PFKL: variants seen among roughly 807,000 people sequenced by gnomAD.
The protein encoded by PFKL is phosphofructokinase, liver type.
In PFKL, 74 loss-of-function variants were observed where a neutral mutation model predicts 92.1. The observed-to-expected ratio is 0.80, with a 90% CI of 0.67 to 0.97. The LOEUF is 0.97. PFKL is among the 50% of genes least tolerant of loss of function. The probability of loss-of-function intolerance (pLI) is 0.00; values close to 1 mark genes in which losing one functional copy is unlikely to be tolerated. For synonymous variants in PFKL, 494 were observed against 456.4 expected, an observed-to-expected ratio of 1.08 and a Z score of -1.05; for missense variants, 1,028 against 1,116.6, an observed-to-expected ratio of 0.92 and a Z score of 1.13.
chr21:44,325,057 G>A, intron 18 of PFKL, 96 bp from the exon 19 acceptor site: 1 of 1,183,970 alleles, frequency 8.4e-7, no homozygotes, highest in South Asian at 1.3e-5. Flanking sequence ...CCTGGGAGCT[G>A]CCACTCCCTC....
In PFKL at chr21:44,321,854, C is replaced by G; in HGVS notation, c.1317C>G (p.Phe439Leu). 6.4e-7 allele frequency: 1 copy of G among 1,557,358 alleles called. No homozygotes were observed. Reference sequence around the variant, plus strand: ...CAGTATACGTGGTGCACGATGGCTTCGAAGGCCTAGCCAAGGGTCAGGTGG... The same window carrying G: ...CAGTATACGTGGTGCACGATGGCTTGGAAGGCCTAGCCAAGGGTCAGGTGG... ...GHTVYVVHDG[F>L]EGLAKGQVQE... Residue 439 changes from phenylalanine to leucine, a missense_variant, in exon 13 of 22, where the codon TTC becomes TTG. Coordinates refer to ENST00000349048, the MANE Select transcript of PFKL (RefSeq NM_002626.6).
At chr21:44,322,862 C>A (rs1165503572) in intron 14 of PFKL, 100 bp from the exon 15 acceptor site, 33 of 779,210 alleles carry the variant, frequency 4.2e-5, no homozygotes, top group Admixed American at 8.6e-5. Flanking sequence ...TGCTGACTGG[C>A]TCGGGGAACG....
chr21:44,325,392 C>A (rs1050129622), intron 19 of PFKL, 128 bp downstream of exon 19: 1 of 666,050 alleles, frequency 1.5e-6, no homozygotes, highest in Non-Finnish European at 2.7e-6. Flanking sequence ...GGCACGTGTG[C>A]CCTTCCCCAG....
At chr21:44,325,570 T>C (rs1342754289) in intron 19 of PFKL, 3 of 522,348 alleles carry the variant, frequency 5.7e-6, no homozygotes, top group African/African-American at 5.7e-5. Flanking sequence ...GATCCCCGCA[T>C]GCTCCCTGCC....
At position 44,319,350 on chromosome 21, in the gene PFKL, G is replaced by A; in HGVS notation, c.1063-1G>A. 1.2e-6 allele frequency: 2 copies of A among 1,612,788 alleles called. No homozygotes were observed. Among genetic ancestry groups the A allele is most frequent in the South Asian group, 2.2e-5 (2 of 91,058 alleles). ...TCTGTGTTCTGTTTCTCTTCCTTAA[G>A]ACCAAGGAAGTGCAGAAAGCCATGG... On this transcript the variant is annotated splice_acceptor_variant, in intron 10 of 21. Coordinates refer to ENST00000349048, the MANE Select transcript of PFKL (RefSeq NM_002626.6). LOFTEE classifies it high-confidence loss of function.
At position 44,313,064 on chromosome 21, in the gene PFKL, A is replaced by T. The variant is rs1602019477; in HGVS notation, c.514A>T (p.Thr172Ser). Residue 172 changes from threonine (T) to serine (S), a missense_variant, in exon 5 of 22, where the codon ACC (threonine) becomes TCC (serine). By Grantham distance (58) the Thr-to-Ser change is moderately conservative. Transcript: ENST00000349048. ...CTCCATCGATAACGACTTCTGCGGCACCGACATGACCATCGGCACGGACTC... is the reference window on the plus strand; with the variant it reads ...CTCCATCGATAACGACTTCTGCGGCTCCGACATGACCATCGGCACGGACTC... ...VGSIDNDFCG[T>S]DMTIGTDSAL... 1 of 1,613,088 alleles carries T rather than the reference A, an allele frequency of 6.2e-7. No homozygotes were observed. The highest frequency in any genetic ancestry group is 1.1e-5 in the South Asian group (1 of 91,074).
At chr21:44,325,112 G>C in intron 18 of PFKL, 41 bp from the exon 19 acceptor site, 2 of 1,433,614 alleles carry the variant, frequency 1.4e-6, no homozygotes, top group South Asian at 2.3e-5. Flanking sequence ...GGGGAGACCT[G>C]AACTCGTTCC....
In PFKL at chr21:44,300,733, CGGGGCATTGAGCA is replaced by C. The variant is rs1007116814; in HGVS notation, c.85+544_85+556del. Among the ~76,000 whole-genome samples the C allele has an allele frequency of 7.4e-5, 5 of 67,472 alleles. No homozygotes were observed. In the East Asian group the frequency reaches 1.7e-3, roughly 23 times the overall value. 44.3% of individuals were successfully genotyped at this position (67,472 alleles called of 152,430 possible). A position where few individuals can be genotyped will look rare whatever the true frequency, so the allele number is the denominator to read the frequency against. On this transcript the variant is annotated intron_variant, in intron 1 of 21. Transcript: ENST00000349048. ...GAGGGCGGTGGGGAGATGGGCTGCC[CGGGGCATTGAGCA>C]AAGCCCAGTTGTCACCCTTTTCGCA... is the stretch of plus-strand genomic sequence containing the variant.
intron 1 of PFKL, chr21:44,305,237 G>T (rs1176140440): frequency 1.8e-5 from 23 of 1,297,164 alleles, no homozygotes; most frequent in Non-Finnish European, 2.3e-5. Flanking sequence ...ACAGTGTGCC[G>T]ATCCCTGGGG....
chr21:44,306,757 A>G lies in PFKL; in HGVS notation c.159+3A>G. ...CCAAAGTCTTCCTCATCTACGAGGTAAGGCCAAGGTGGGCTGTGTGTGTGC... is the reference window on the plus strand; with the variant it reads ...CCAAAGTCTTCCTCATCTACGAGGTGAGGCCAAGGTGGGCTGTGTGTGTGC... On this transcript the variant is annotated splice_donor_region_variant and intron_variant, in intron 2 of 21. Coordinates refer to ENST00000349048, the MANE Select transcript of PFKL (RefSeq NM_002626.6). 2 of 1,613,420 alleles carry G rather than the reference A, an allele frequency of 1.2e-6. No homozygotes were observed. Among genetic ancestry groups the G allele is most frequent in the Non-Finnish European group, 1.7e-6 (2 of 1,179,624 alleles).
chr21:44,324,517 C>G lies in PFKL; in HGVS notation c.1677C>G (p.Ala559=). 1 of 1,613,416 alleles carries G rather than the reference C, an allele frequency of 6.2e-7. No homozygotes were observed. The highest frequency in any genetic ancestry group is 8.5e-7 in the Non-Finnish European group (1 of 1,179,896). The part of the protein sequence containing the change: ...MESCDRIKQS[A]SGTKRRVFIV... ...GCTGTGACCGCATCAAACAGTCTGC[C>G]TCGGGGACCAAGCGCCGTGTGTTCA... Residue 559 remains alanine, a synonymous_variant, in exon 17 of 22, where the codon GCC becomes GCG. Coordinates refer to ENST00000349048, the MANE Select transcript of PFKL (RefSeq NM_002626.6).
At chr21:44,305,683 C>T in intron 1 of PFKL, 10 of 1,080,544 alleles carry the variant, frequency 9.3e-6, no homozygotes, top group Non-Finnish European at 1.1e-5. Context: ...CTTGGCTGCC[C>T]CTTTTGTATG....
At chr21:44,318,269 C>T (rs1298990266) in intron 9 of PFKL, among the ~76,000 whole-genome samples, 1 of 152,176 alleles carries the variant, frequency 6.6e-6, no homozygotes, top group Non-Finnish European at 1.5e-5. Context: ...AGCAGGGCAG[C>T]GAGGACTCTG....
chr21:44,300,336 C>G (rs1209556683), intron 1 of PFKL, 146 bp downstream of exon 1: 1 of 232,428 alleles, frequency 4.3e-6, no homozygotes, highest in Non-Finnish European at 7.3e-6. Context: ...GCCTCCTGCC[C>G]CGGGTCTGTC....
At position 44,306,835 on chromosome 21, in the gene PFKL, C is replaced by T. The variant is rs76166740; in HGVS notation, c.159+81C>T. The T allele has an allele frequency of 3.4e-3, 4,283 of 1,246,126 alleles. 91 individuals carry two copies. In the Admixed American group the frequency reaches 0.038, roughly 11 times the overall value. 77.2% of individuals were successfully genotyped at this position (1,246,126 alleles called of 1,614,324 possible). A position where few individuals can be genotyped will look rare whatever the true frequency, so the allele number is the denominator to read the frequency against. Reference sequence around the variant, plus strand: ...GCCGAGGTGTGTTCTGTGTGGGTCACACTGGGAGACGGGGTGGTCCTGGCC... The same window carrying T: ...GCCGAGGTGTGTTCTGTGTGGGTCATACTGGGAGACGGGGTGGTCCTGGCC... On this transcript the variant is annotated intron_variant, in intron 2 of 21. Coordinates refer to ENST00000349048, the MANE Select transcript of PFKL (RefSeq NM_002626.6).
At chr21:44,303,441 A>AAAAAAAAAAAAAAAAAAAGACTTGATCG (rs1555874972) in intron 1 of PFKL, among the ~76,000 whole-genome samples, 6 of 97,096 alleles carry the variant, frequency 6.2e-5, no homozygotes, top group Admixed American at 1.1e-4. Flanking sequence ...ACCAAAAAAA[A>AAAAAAAAAAAAAAAAAAAGACTTGATCG]AAAAAAAAAA....
intron 14 of PFKL, 72 bp downstream of exon 14, chr21:44,322,275 C>A: frequency 2.8e-6 from 4 of 1,433,830 alleles, no homozygotes; most frequent in Non-Finnish European, 2.8e-6. Flanking sequence ...CAGGTGGGGG[C>A]GGCAAGGGGA....
chr21:44,301,633 TC>T (rs111987113), intron 1 of PFKL, among the ~76,000 whole-genome samples: 3 of 151,838 alleles, frequency 2.0e-5, no homozygotes, highest in African/African-American at 7.3e-5. Context: ...CTCGGGAAGC[TC>T]CATCCCATGA....
chr21:44,325,386 C>T (rs2047477171), intron 19 of PFKL, 122 bp downstream of exon 19: 9 of 675,668 alleles, frequency 1.3e-5, no homozygotes, highest in Admixed American at 4.4e-5. Flanking sequence ...CCCTCGGGCA[C>T]GTGTGCCCTT....
Sources: gnomAD v4.1 joint callset for allele counts (sites outside exome capture counted in the v4.1 genomes callset) on GRCh38, gnomAD v4.1.1 for gene constraint, MANE v1.5 for transcripts, NCBI Gene and HGNC (gene_info 2026-07-23, HGNC 2026-07-21) for gene names.